DYNC2I1: variants seen among roughly 807,000 people sequenced by gnomAD.
DYNC2I1 encodes the protein dynein 2 intermediate chain 1.
A neutral mutation model predicts 133.4 loss-of-function variants in DYNC2I1; 89 were observed. The observed-to-expected ratio is 0.67, with a 90% CI of 0.56 to 0.80. DYNC2I1 has a LOEUF of 0.80. Among genes scored for constraint, DYNC2I1 ranks in the 30% least tolerant of loss-of-function variants. The pLI is 0.00. For synonymous variants in DYNC2I1, 504 were observed against 484.3 expected, an observed-to-expected ratio of 1.04 and a Z score of -0.54; for missense variants, 1,291 against 1,314.5, an observed-to-expected ratio of 0.98 and a Z score of 0.28.
At chr7:158,923,465 C>A in intron 16 of DYNC2I1, 106 bp from the exon 17 acceptor site, 1 of 1,493,064 alleles carries the variant, frequency 6.7e-7, no homozygotes, top group East Asian at 2.3e-5. Context: ...AGGTGACTCC[C>A]GTGCAAAGTG....
chr7:158,942,761 A>T (rs996695902), intron 24 of DYNC2I1, among the ~76,000 whole-genome samples: 1 of 152,234 alleles, frequency 6.6e-6, no homozygotes, highest in Non-Finnish European at 1.5e-5. Context: ...CGCCACACTA[A>T]AGCCATTCCA....
At chr7:158,934,296 T>C in intron 22 of DYNC2I1, 68 bp downstream of exon 22, 1 of 1,543,552 alleles carries the variant, frequency 6.5e-7, no homozygotes, top group South Asian at 1.2e-5. Flanking sequence ...CTGATAAATA[T>C]CTTGATTTAG....
chr7:158,875,388 C>G (rs368729681), intron 3 of DYNC2I1, among the ~76,000 whole-genome samples: 1 of 152,184 alleles, frequency 6.6e-6, no homozygotes, highest in Non-Finnish European at 1.5e-5. Context: ...CTACCGTGCC[C>G]AGCCTGGTAA....
intron 4 of DYNC2I1, among the ~76,000 whole-genome samples, chr7:158,955,335 C>T (rs748248908): frequency 1.3e-5 from 2 of 152,176 alleles, no homozygotes; most frequent in African/African-American, 4.8e-5. Context: ...CTGACCCTGC[C>T]GCACCTCTGC....
At chr7:158,953,573 A>G (rs1852116505) in intron 4 of DYNC2I1, among the ~76,000 whole-genome samples, 1 of 152,152 alleles carries the variant, frequency 6.6e-6, no homozygotes, top group South Asian at 2.1e-4. Flanking sequence ...AAACATGGCA[A>G]GACCCTATCT....
In DYNC2I1 at chr7:158,922,370, TC is replaced by T. The variant is rs113911955; in HGVS notation, c.1922-4del. ...TTGAAATGTGAACATATTTTTCTTC[TC>T]CCTAGATCGAAAAGTATCCTCCTTG... On this transcript the variant is annotated splice_region_variant and splice_polypyrimidine_tract_variant and intron_variant, in intron 15 of 24. Transcript: ENST00000407559. 2,951 of 1,608,636 alleles carry T rather than the reference TC, an allele frequency of 1.8e-3. 57 individuals are homozygous for T. The African/African-American group carries it at 0.035, about 19-fold the overall frequency.
chr7:158,885,621 C>T (rs1485586045), intron 6 of DYNC2I1, among the ~76,000 whole-genome samples: 6 of 152,240 alleles, frequency 3.9e-5, no homozygotes, highest in East Asian at 3.9e-4. Context: ...GGATTACAGG[C>T]GTGAGCCACT....
chr7:158,877,142 G>A (rs1001922371), intron 4 of DYNC2I1, among the ~76,000 whole-genome samples: 2 of 152,104 alleles, frequency 1.3e-5, no homozygotes, highest in Admixed American at 1.3e-4. Flanking sequence ...TTGGTGTTTC[G>A]CGGTGCGGGT....
intron 8 of DYNC2I1, among the ~76,000 whole-genome samples, chr7:158,899,570 A>G (rs1846048726): frequency 6.6e-6 from 1 of 152,048 alleles, no homozygotes; most frequent in Non-Finnish European, 1.5e-5. Context: ...CCAAATCTCA[A>G]CTTGAGTTTA....
downstream of DYNC2I1, among the ~76,000 whole-genome samples, chr7:158,957,655 C>T (rs10279232): frequency 0.17 from 25,726 of 152,038 alleles, 2,399 homozygotes; most frequent in African/African-American, 0.22. Flanking sequence ...TCACCGGAGG[C>T]CACCTGGCAA....
intron 1 of DYNC2I1, among the ~76,000 whole-genome samples, chr7:158,860,925 C>T (rs1841817699): frequency 6.6e-6 from 1 of 152,176 alleles, no homozygotes; most frequent in Admixed American, 6.5e-5. Context: ...GGTTGGTCCT[C>T]ACCAATCCGC....
chr7:158,915,639 T>A (rs1414554294), intron 14 of DYNC2I1, among the ~76,000 whole-genome samples: 7 of 136,024 alleles, frequency 5.1e-5, no homozygotes, highest in African/African-American at 8.5e-5. Flanking sequence ...AGGATGATTG[T>A]GAAACCTCGA....
intron 6 of DYNC2I1, among the ~76,000 whole-genome samples, chr7:158,886,353 C>T (rs1048955362): frequency 2.6e-5 from 4 of 151,924 alleles, no homozygotes; most frequent in Non-Finnish European, 5.9e-5. Flanking sequence ...AGACTGGTCT[C>T]GAACTCCTGA....
chr7:158,911,055 G>A (rs1166690607), intron 11 of DYNC2I1, among the ~76,000 whole-genome samples: 3 of 152,200 alleles, frequency 2.0e-5, no homozygotes, highest in African/African-American at 7.2e-5. Flanking sequence ...GGCGGAGGGC[G>A]ATTGGAGCGT....
chr7:158,872,976 G>T (rs1304634170), intron 3 of DYNC2I1, among the ~76,000 whole-genome samples: 2 of 151,782 alleles, frequency 1.3e-5, no homozygotes, highest in African/African-American at 4.8e-5. Flanking sequence ...GGGTGACAGA[G>T]CGAGACTCTG....
intron 17 of DYNC2I1, among the ~76,000 whole-genome samples, chr7:158,923,948 T>C (rs1475330260): frequency 1.3e-5 from 2 of 152,246 alleles, no homozygotes; most frequent in African/African-American, 4.8e-5. Flanking sequence ...ATTTCCTTTC[T>C]TAATAAATTT....
At chr7:158,895,404 A>G (rs569053002) in intron 8 of DYNC2I1, among the ~76,000 whole-genome samples, 41 of 152,298 alleles carry the variant, frequency 2.7e-4, no homozygotes, top group Admixed American at 9.2e-4. Flanking sequence ...TCATTCATTC[A>G]TTGTACCGTA....
chr7:158,912,902 G>C (rs1847629021), intron 12 of DYNC2I1, 83 bp from the exon 13 acceptor site: 12 of 970,530 alleles, frequency 1.2e-5, no homozygotes, highest in Non-Finnish European at 1.8e-5. Context: ...TTTTGACACA[G>C]TGACTCTCAT....
chr7:158,937,300 T>TG (rs2129488187), intron 23 of DYNC2I1, among the ~76,000 whole-genome samples: 1 of 152,298 alleles, frequency 6.6e-6, no homozygotes, highest in South Asian at 2.1e-4. Context: ...AGTAGAGGAA[T>TG]GAATAGGTGA....
Sources: gnomAD v4.1 joint callset for allele counts (sites outside exome capture counted in the v4.1 genomes callset) on GRCh38, gnomAD v4.1.1 for gene constraint, MANE v1.5 for transcripts, NCBI Gene and HGNC (gene_info 2026-07-23, HGNC 2026-07-21) for gene names.